Variants in SLC4A4 observed in about 807,000 individuals in gnomAD.
SLC4A4 encodes solute carrier family 4 member 4.
In SLC4A4, 27 loss-of-function variants were observed where a neutral mutation model predicts 111.5. That is an observed-to-expected ratio of 0.24 (90% CI 0.18 to 0.33). The LOEUF (loss-of-function observed/expected upper bound fraction) is 0.33. Among genes scored for constraint, SLC4A4 ranks in the 10% least tolerant of loss-of-function variants. SLC4A4 has a pLI of 1.00. For missense variants in SLC4A4, 909 were observed against 1,315.5 expected, an observed-to-expected ratio of 0.69 and a Z score of 4.78; for synonymous variants, 443 against 463.4, an observed-to-expected ratio of 0.96 and a Z score of 0.57.
At chr4:71,184,489 C>G (rs1745392147), upstream of SLC4A4, among the ~76,000 whole-genome samples, 1 of 152,116 alleles carries the variant, frequency 6.6e-6, no homozygotes, top group Admixed American at 6.6e-5. Context: ...GATTAATAAG[C>G]TAAGTACTGG....
intron 18 of SLC4A4, among the ~76,000 whole-genome samples, chr4:71,545,162 G>A (rs766946267): frequency 6.6e-6 from 1 of 151,924 alleles, no homozygotes; most frequent in African/African-American, 2.4e-5. Context: ...TCTTAGCCAA[G>A]CCTGGACTAG....
At chr4:71,316,069 C>A (rs1726653594) in intron 3 of SLC4A4, among the ~76,000 whole-genome samples, 1 of 152,116 alleles carries the variant, frequency 6.6e-6, no homozygotes, top group South Asian at 2.1e-4. Flanking sequence ...ATACTGCTGG[C>A]AATTCCAAAC....
chr4:71,546,687 G>T (rs1405717746), intron 19 of SLC4A4, among the ~76,000 whole-genome samples, 159 bp downstream of exon 19: 1 of 151,908 alleles, frequency 6.6e-6, no homozygotes, highest in African/African-American at 2.4e-5. Context: ...TTCATCAGAG[G>T]TTTCAGTGAT....
chr4:71,114,189 T>C (rs938985495), intron 2 of SLC4A4, among the ~76,000 whole-genome samples: 35 of 152,132 alleles, frequency 2.3e-4, no homozygotes, highest in Non-Finnish European at 4.7e-4. Context: ...GAGCTTGCAG[T>C]GAGTCGAGAT....
At chr4:71,467,857 A>T (rs535954351) in intron 13 of SLC4A4, among the ~76,000 whole-genome samples, 4 of 151,194 alleles carry the variant, frequency 2.6e-5, no homozygotes, top group African/African-American at 7.3e-5. Flanking sequence ...AGAATGTCTC[A>T]TGGCCTGCTG....
At chr4:71,101,686 T>C (rs1475531882) in intron 2 of SLC4A4, among the ~76,000 whole-genome samples, 1 of 152,110 alleles carries the variant, frequency 6.6e-6, no homozygotes, top group Non-Finnish European at 1.5e-5. Context: ...GGCAGGGTAT[T>C]CCAACAGACC....
intron 15 of SLC4A4, among the ~76,000 whole-genome samples, chr4:71,494,671 A>G (rs1302270888): frequency 6.6e-6 from 1 of 152,010 alleles, no homozygotes; most frequent in Non-Finnish European, 1.5e-5. Flanking sequence ...AGAATTTTGC[A>G]TAGGAAATAA....
intron 1 of SLC4A4, among the ~76,000 whole-genome samples, chr4:71,208,163 G>T (rs1702216013): frequency 6.6e-6 from 1 of 152,088 alleles, no homozygotes; most frequent in Non-Finnish European, 1.5e-5. Flanking sequence ...GGGCGTGGTG[G>T]CTCATGCCTA....
chr4:71,567,827 A>C lies in SLC4A4; in HGVS notation c.*76A>C. ...CAGTAAAAGTTGTGCCTCAAATTAG[A>C]ATAGAACTTGAACCTGAAGACAATG... On this transcript the variant is annotated 3_prime_UTR_variant, in exon 26 of 26. Transcript: ENST00000264485. The C allele has an allele frequency of 6.4e-7, 1 of 1,551,890 alleles. No individual in the cohort carries two copies. Among genetic ancestry groups the C allele is most frequent in the Non-Finnish European group, 8.7e-7 (1 of 1,146,220 alleles).
At chr4:71,475,432 C>T (rs554046321) in intron 14 of SLC4A4, among the ~76,000 whole-genome samples, 4 of 151,804 alleles carry the variant, frequency 2.6e-5, no homozygotes, top group South Asian at 2.1e-4. Context: ...GAAAAAGTGA[C>T]GTTAAGGGTG....
At chr4:71,075,957 CTAAATAAATAAATAAA>C (rs66711227) in intron 1 of SLC4A4, among the ~76,000 whole-genome samples, 157 of 140,266 alleles carry the variant, frequency 1.1e-3, no homozygotes, top group African/African-American at 2.4e-3. Context: ...GACTCCATCT[CTAAATAAATAAATAAA>C]TAAATAAATA....
In SLC4A4 at chr4:71,537,935, C is replaced by T. The variant is rs749602417; in HGVS notation, c.2442+3547C>T. 3.5e-4 allele frequency among the ~76,000 whole-genome samples: 53 copies of T among 152,002 alleles called. 1 individual carries two copies. Among genetic ancestry groups the T allele is most frequent in the Admixed American group, 1.3e-4 (2 of 15,240 alleles). ...TACTAACTCCAAGGATTTGCTTCTT[C>T]GCGTGGCTGTTGTTTTTTGTATCCA... On this transcript the variant is annotated intron_variant, in intron 18 of 25. Transcript: ENST00000264485.
At chr4:71,362,444 A>G (rs1406503716) in intron 6 of SLC4A4, among the ~76,000 whole-genome samples, 2 of 152,258 alleles carry the variant, frequency 1.3e-5, no homozygotes, top group African/African-American at 4.8e-5. Context: ...ACTGGCACAT[A>G]GTAATCACTC....
intron 2 of SLC4A4, among the ~76,000 whole-genome samples, chr4:71,110,580 G>A (rs1743058635): frequency 6.6e-6 from 1 of 152,176 alleles, no homozygotes; most frequent in Non-Finnish European, 1.5e-5. Context: ...TTAACCTTTA[G>A]AAGTTCCATG....
intron 20 of SLC4A4, among the ~76,000 whole-genome samples, chr4:71,550,539 C>CT (rs1240773138): frequency 2.0e-5 from 3 of 151,880 alleles, no homozygotes; most frequent in Non-Finnish European, 1.5e-5. Flanking sequence ...AGTAGGAAAC[C>CT]TTTTTTCCTC....
intron 2 of SLC4A4, among the ~76,000 whole-genome samples, chr4:71,147,003 G>T (rs938788484): frequency 7.2e-5 from 11 of 152,142 alleles, no homozygotes; most frequent in African/African-American, 2.4e-4. Context: ...CATCTCACAT[G>T]CAGAGACACA....
chr4:71,140,493 A>T (rs1743965410), intron 2 of SLC4A4, among the ~76,000 whole-genome samples: 1 of 152,134 alleles, frequency 6.6e-6, no homozygotes, highest in African/African-American at 2.4e-5. Context: ...ACTCTTTTTA[A>T]TCTCCATACT....
chr4:71,113,821 A>G (rs568619005), intron 2 of SLC4A4, among the ~76,000 whole-genome samples: 1 of 152,330 alleles, frequency 6.6e-6, no homozygotes, highest in African/African-American at 2.4e-5. Flanking sequence ...AAACATTTCA[A>G]TACATATTAA....
chr4:71,157,435 G>T (rs1221657538), intron 2 of SLC4A4, among the ~76,000 whole-genome samples: 2 of 152,038 alleles, frequency 1.3e-5, no homozygotes, highest in Non-Finnish European at 2.9e-5. Flanking sequence ...AATAAAAATT[G>T]TCATTAAAAT....
Sources: allele counts gnomAD v4.1 joint callset (sites outside exome capture counted in the v4.1 genomes callset), GRCh38; gene constraint gnomAD v4.1.1; transcripts MANE v1.5; gene names NCBI Gene and HGNC (gene_info 2026-07-23, HGNC 2026-07-21).